Variants in COL4A1 observed in about 807,000 individuals in gnomAD.
The protein encoded by COL4A1 is collagen alpha-1(IV) chain.
A neutral mutation model predicts 216.6 loss-of-function variants in COL4A1; 40 were observed. The observed-to-expected ratio is 0.18, with a 90% CI of 0.14 to 0.24. The LOEUF is 0.24. COL4A1 is among the 10% of genes least tolerant of loss of function. COL4A1 has a pLI of 1.00. For missense variants in COL4A1, 1,628 were observed against 2,196.8 expected, an observed-to-expected ratio of 0.74 and a Z score of 5.18; for synonymous variants, 839 against 810.7, an observed-to-expected ratio of 1.03 and a Z score of -0.59.
chr13:110,202,750 T>C (rs2061540027), intron 18 of COL4A1, among the ~76,000 whole-genome samples: 1 of 152,220 alleles, frequency 6.6e-6, no homozygotes, highest in Non-Finnish European at 1.5e-5. Flanking sequence ...AACATGATAA[T>C]GCCCATTTTT....
At position 110,166,218 on chromosome 13, in the gene COL4A1, A is replaced by G. The variant is rs755709828; in HGVS notation, c.4021+14T>C. The G allele has an allele frequency of 4.5e-6, 7 of 1,550,094 alleles. No individual in the cohort carries two copies. Among genetic ancestry groups the G allele is most frequent in the African/African-American group, 1.4e-5 (1 of 73,696 alleles). On this transcript the variant is annotated intron_variant, in intron 45 of 51. Transcript: ENST00000375820. ...GCACCAGTAAGGTGTCCACAGATCA[A>G]CAAACTCTCCTACCTTTAGCTCCCG...
In COL4A1 at chr13:110,176,458, T is replaced by C; in HGVS notation, c.3024A>G (p.Gly1008=). The change falls in exon 36 of 52, where the codon GGA becomes GGG. Residue 1008 remains glycine (G), a synonymous_variant. Coordinates refer to ENST00000375820, the MANE Select transcript of COL4A1 (RefSeq NM_001845.6). ...CCATTCCACCAACAGATCCTTTTGG[T>C]CCCGGAAGTCCTGGAGCACCTGGGG... ...SGTPGAPGLP[G]PKGSVGGMGL... is the part of the protein sequence containing the mutation. 6.2e-7 allele frequency: 1 copy of C among 1,614,038 alleles called. No individual in the cohort carries two copies. Among genetic ancestry groups the C allele is most frequent in the East Asian group, 2.2e-5 (1 of 44,880 alleles).
rs141773246 is a variant in COL4A1, at chr13:110,166,254, A to G, written c.3999T>C (p.Asp1333=). 41 of 1,611,582 alleles carry G rather than the reference A, an allele frequency of 2.5e-5. No homozygotes were observed. The African/African-American group carries it at 3.9e-4, about 15-fold the overall frequency. Residue 1333 remains aspartate (D), a synonymous_variant, in exon 45 of 52, where the codon GAT becomes GAC. Coordinates refer to ENST00000375820, the MANE Select transcript of COL4A1 (RefSeq NM_001845.6). ...TACCTTTAGCTCCCGGGACGCCTTG[A>G]TCGCCTTGATCACCTTTAATTCCCT... ...GLQGIKGDQG[D]QGVPGAKGLP...
At chr13:110,166,444 T>C in intron 44 of COL4A1, 141 bp from the exon 45 acceptor site, 2 of 730,088 alleles carry the variant, frequency 2.7e-6, no homozygotes, top group Admixed American at 3.9e-5. Flanking sequence ...CATATACTCA[T>C]ATATGCATAC....
At chr13:110,194,352 T>C (rs967296378) in intron 22 of COL4A1, among the ~76,000 whole-genome samples, 1 of 152,236 alleles carries the variant, frequency 6.6e-6, no homozygotes, top group Non-Finnish European at 1.5e-5. Context: ...CAGCCTCCTA[T>C]TTGTCCTACT....
intron 1 of COL4A1, among the ~76,000 whole-genome samples, chr13:110,256,963 A>G (rs1471221451): frequency 1.3e-5 from 2 of 152,198 alleles, no homozygotes; most frequent in African/African-American, 4.8e-5. Context: ...GTCTTTAAAA[A>G]AATCTTCATG....
intron 46 of COL4A1, among the ~76,000 whole-genome samples, chr13:110,163,945 C>T (rs1407065286): frequency 6.7e-6 from 1 of 149,424 alleles, no homozygotes; most frequent in African/African-American, 2.5e-5. Context: ...TTTTTGTTTT[C>T]ATGTACATAG....
intron 4 of COL4A1, among the ~76,000 whole-genome samples, 184 bp from the exon 5 acceptor site, chr13:110,212,802 C>T (rs1264197853): frequency 5.3e-5 from 8 of 152,158 alleles, no homozygotes; most frequent in Non-Finnish European, 1.0e-4. Flanking sequence ...CCCAGGCTTA[C>T]AGGAGCAATG....
intron 2 of COL4A1, among the ~76,000 whole-genome samples, chr13:110,222,256 C>T (rs914199439): frequency 6.6e-6 from 1 of 152,164 alleles, no homozygotes; most frequent in African/African-American, 2.4e-5. Context: ...CAAGCACCCC[C>T]TTGTTGAAGA....
At chr13:110,287,435 T>G (rs956445907) in intron 1 of COL4A1, among the ~76,000 whole-genome samples, 1 of 152,206 alleles carries the variant, frequency 6.6e-6, no homozygotes, top group African/African-American at 2.4e-5. Context: ...TTTGTGAAGT[T>G]CCCGGTTCCT....
intron 42 of COL4A1, 126 bp downstream of exon 42, chr13:110,170,421 G>A (rs1298491698): frequency 9.6e-7 from 1 of 1,044,566 alleles, no homozygotes; most frequent in Non-Finnish European, 1.4e-6. Flanking sequence ...ATTTCAAGCT[G>A]TAATAAATGC....
intron 2 of COL4A1, among the ~76,000 whole-genome samples, chr13:110,229,467 G>T (rs1222395456): frequency 6.6e-6 from 1 of 152,134 alleles, no homozygotes; most frequent in African/African-American, 2.4e-5. Flanking sequence ...AAACACAGCT[G>T]GGATGCATTT....
At chr13:110,165,040 G>C in intron 45 of COL4A1, 50 bp from the exon 46 acceptor site, 1 of 1,575,250 alleles carries the variant, frequency 6.3e-7, no homozygotes, top group Non-Finnish European at 8.6e-7. Context: ...ACATACTGGG[G>C]CGGAAACAAC....
At position 110,280,133 on chromosome 13, in the gene COL4A1, C is replaced by T. The variant is rs527260978; in HGVS notation, c.84+26811G>A. ...CATTACCAAATGATGAAGTTTGCCA[C>T]GTATAAAGAACTTGGGATTCTTTAA... On this transcript the variant is annotated intron_variant, in intron 1 of 51. Coordinates refer to ENST00000375820, the MANE Select transcript of COL4A1 (RefSeq NM_001845.6). 2.6e-5 allele frequency among the ~76,000 whole-genome samples: 4 copies of T among 152,302 alleles called. No individual in the cohort carries two copies. In the South Asian group the frequency reaches 6.2e-4, roughly 24 times the overall value.
intron 2 of COL4A1, among the ~76,000 whole-genome samples, chr13:110,234,192 G>A (rs945138474): frequency 2.0e-5 from 3 of 152,166 alleles, no homozygotes; most frequent in Non-Finnish European, 4.4e-5. Flanking sequence ...AAACAACTTG[G>A]TGAAAAACAG....
chr13:110,244,806 T>G (rs1248629264), intron 1 of COL4A1, among the ~76,000 whole-genome samples: 2 of 152,166 alleles, frequency 1.3e-5, no homozygotes, highest in Admixed American at 1.3e-4. Flanking sequence ...TGAGCTGTAC[T>G]TCATCTAAGA....
intron 1 of COL4A1, among the ~76,000 whole-genome samples, chr13:110,250,451 C>T (rs1882022399): frequency 6.6e-6 from 1 of 152,178 alleles, no homozygotes; most frequent in African/African-American, 2.4e-5. Context: ...CTCATTTTCC[C>T]TGTCATATAA....
chr13:110,257,796 G>A (rs945891055), intron 1 of COL4A1, among the ~76,000 whole-genome samples: 3 of 152,200 alleles, frequency 2.0e-5, no homozygotes. Context: ...CTAATTAATT[G>A]ACAAGCGTAA....
At chr13:110,230,480 T>C (rs1880988154) in intron 2 of COL4A1, among the ~76,000 whole-genome samples, 1 of 151,818 alleles carries the variant, frequency 6.6e-6, no homozygotes, top group African/African-American at 2.4e-5. Flanking sequence ...GATGGGAAAT[T>C]GTGGTGGGAG....
Sources: gnomAD v4.1 joint callset for allele counts (sites outside exome capture counted in the v4.1 genomes callset) on GRCh38, gnomAD v4.1.1 for gene constraint, MANE v1.5 for transcripts, NCBI Gene and HGNC (gene_info 2026-07-23, HGNC 2026-07-21) for gene names.